The following ZFHX4 variants were observed in gnomAD, a reference collection of about 807,000 sequenced individuals.
ZFHX4 encodes zinc finger homeobox protein 4.
Under a neutral mutation model 267.6 loss-of-function variants are expected in ZFHX4, and 56 were observed. That is an observed-to-expected ratio of 0.21 (90% CI 0.17 to 0.26). The LOEUF (loss-of-function observed/expected upper bound fraction) is 0.26, where lower values mean the gene tolerates loss of function less well. Among genes scored for constraint, ZFHX4 ranks in the 10% least tolerant of loss-of-function variants. The probability of loss-of-function intolerance (pLI) is 1.00; values close to 1 mark genes in which losing one functional copy is unlikely to be tolerated. For synonymous variants in ZFHX4, 1,778 were observed against 1,665.6 expected (o/e 1.07, Z -1.64); for missense variants, 4,332 against 4,420.0 (o/e 0.98, Z 0.56).
intron 3 of ZFHX4, among the ~76,000 whole-genome samples, chr8:76,712,459 T>C (rs1808451882): frequency 6.6e-6 from 1 of 152,160 alleles, no homozygotes; most frequent in African/African-American, 2.4e-5. Flanking sequence ...ACAGGTATTT[T>C]CATTTCAATA....
chr8:76,681,435 C>T lies in ZFHX4; in HGVS notation c.-232C>T. 2.5e-6 allele frequency: 1 copy of T among 398,696 alleles called. No homozygotes were observed. Among genetic ancestry groups the T allele is most frequent in the Non-Finnish European group, 4.4e-6 (1 of 226,028 alleles). 24.7% of individuals were successfully genotyped at this position (398,696 alleles called of 1,614,324 possible). A position where few individuals can be genotyped will look rare whatever the true frequency, so the allele number is the denominator to read the frequency against. On this transcript the variant is annotated 5_prime_UTR_variant, in exon 1 of 11. Transcript: ENST00000651372. ...TCCTCCCGGACCCCCGAGGACCGCT[C>T]CATGCCCCCCACTTTCTGCTCCAGC...
At position 76,864,326 on chromosome 8, in the gene ZFHX4, G is replaced by A; in HGVS notation, c.10612G>A (p.Ala3538Thr). The A allele has an allele frequency of 1.2e-6, 2 of 1,613,768 alleles. No homozygotes were observed. Among genetic ancestry groups the A allele is most frequent in the Non-Finnish European group, 8.5e-7 (1 of 1,179,850 alleles). ...CCTTTTCCAAGCGTCTGCCAGGAGAGCTGCTTCTCCCCCTTCTTCTCCTCC... is the reference window on the plus strand; with the variant it reads ...CCTTTTCCAAGCGTCTGCCAGGAGAACTGCTTCTCCCCCTTCTTCTCCTCC... ...NILFQASARR[A>T]ASPPSSPPSL... Residue 3538 changes from alanine to threonine, a missense_variant, in exon 11 of 11, where the codon GCT (alanine) becomes ACT (threonine). By Grantham distance (58) the Ala-to-Thr change is moderately conservative. Around this residue, in one of 7 missense-constraint regions of ZFHX4, gnomAD observed 1,648 missense variants for 1,625.0 expected, o/e 1.01. Coordinates refer to ENST00000651372, the MANE Select transcript of ZFHX4 (RefSeq NM_024721.5).
At position 76,851,427 on chromosome 8, in the gene ZFHX4, A is replaced by G; in HGVS notation, c.4506A>G (p.Val1502=). The G allele has an allele frequency of 6.2e-7, 1 of 1,613,902 alleles. No individual in the cohort carries two copies. Among genetic ancestry groups the G allele is most frequent in the South Asian group, 1.1e-5 (1 of 91,074 alleles). ...EVDHEGKASP[V]GSDSSSIPDD... is the part of the protein sequence containing the mutation. ...ACCACGAAGGGAAAGCAAGTCCTGTAGGAAGTGATAGTAGCTCTATTCCAG... is the reference window on the plus strand; with the variant it reads ...ACCACGAAGGGAAAGCAAGTCCTGTGGGAAGTGATAGTAGCTCTATTCCAG... Residue 1502 remains valine, a synonymous_variant, in exon 10 of 11, where the codon GTA becomes GTG. Transcript: ENST00000651372.
At chr8:76,779,432 G>T (rs7817733) in intron 4 of ZFHX4, among the ~76,000 whole-genome samples, 1 of 151,798 alleles carries the variant, frequency 6.6e-6, no homozygotes, top group Non-Finnish European at 1.5e-5. Context: ...CGTCAAGGTC[G>T]CCTTTCTCAA....
At chr8:76,721,862 T>C (rs1031377073) in intron 3 of ZFHX4, among the ~76,000 whole-genome samples, 22 of 152,154 alleles carry the variant, frequency 1.4e-4, no homozygotes. Flanking sequence ...TGTGACCGTA[T>C]GTATGATTTT....
intron 3 of ZFHX4, among the ~76,000 whole-genome samples, chr8:76,771,564 G>A (rs985915962): frequency 1.3e-5 from 2 of 151,912 alleles, no homozygotes; most frequent in Non-Finnish European, 2.9e-5. Flanking sequence ...TCAGACTCCC[G>A]AGTAGTTGGG....
At chr8:76,701,762 A>G (rs536762093) in intron 1 of ZFHX4, among the ~76,000 whole-genome samples, 2 of 152,164 alleles carry the variant, frequency 1.3e-5, no homozygotes, top group African/African-American at 4.8e-5. Context: ...AAGCTGTAAA[A>G]TGTTGAGGAG....
Position 76,706,565 on chromosome 8 carries a change from C to T in ZFHX4, c.2477C>T (p.Ala826Val), listed in dbSNP as rs1285651969. The T allele has an allele frequency of 3.1e-6, 5 of 1,612,126 alleles. No homozygotes were observed. In the African/African-American group the frequency reaches 5.3e-5, roughly 17 times the overall value. ...AEAELYQYYL[A>V]QNIGLTGMKL... ...GCAGAGCTTTATCAGTACTACCTAG[C>T]CCAGAACATAGGCCTGACCGGAATG... Residue 826 changes from alanine (A) to valine (V), a missense_variant, in exon 2 of 11, where the codon GCC becomes GTC. This residue lies in a region of ZFHX4 where 1,195 missense variants were observed against 1,173.6 expected (regional missense o/e 1.02). Transcript: ENST00000651372.
chr8:76,690,197 T>C lies in ZFHX4; in HGVS notation c.-47+8577T>C, dbSNP rs372181430. ...GTTCTAGCTATAAAAAAGAAATCAC[T>C]CTGCAAATATTTACTCAGGTCTAAA... is the stretch of plus-strand genomic sequence containing the variant. On this transcript the variant is annotated intron_variant, in intron 1 of 10. Transcript: ENST00000651372. Among the ~76,000 whole-genome samples, 70 of 152,182 alleles carry C rather than the reference T, an allele frequency of 4.6e-4. No homozygotes were observed. The Middle Eastern group carries it at 0.027, about 59-fold the overall frequency.
At chr8:76,769,426 T>C (rs1267321897) in intron 3 of ZFHX4, among the ~76,000 whole-genome samples, 1 of 152,086 alleles carries the variant, frequency 6.6e-6, no homozygotes, top group African/African-American at 2.4e-5. Context: ...CACCATTCAC[T>C]ATGGCCTTGA....
chr8:76,785,261 T>C (rs1161129991), intron 4 of ZFHX4, among the ~76,000 whole-genome samples: 1 of 152,138 alleles, frequency 6.6e-6, no homozygotes, highest in East Asian at 1.9e-4. Context: ...TTGAAATCTG[T>C]ATATTAGTTA....
Position 76,833,367 on chromosome 8 carries a change from G to A in ZFHX4, c.3355G>A (p.Asp1119Asn). ...ETASLGARTC[D>N]DDLTEQQLRS... ...TGCCTCATTGGGAGCCAGGACTTGT[G>A]ATGATGATCTTACAGAGCAGCAGTT... The change falls in exon 5 of 11, where the codon GAT becomes AAT. Residue 1119 changes from aspartate to asparagine, a missense_variant. Asp to Asn is a conservative substitution (Grantham distance 23). This residue lies in a region of ZFHX4 where 1,371 missense variants were observed against 1,423.1 expected (regional missense o/e 0.96). Coordinates refer to ENST00000651372, the MANE Select transcript of ZFHX4 (RefSeq NM_024721.5). 1 of 1,610,886 alleles carries A rather than the reference G, an allele frequency of 6.2e-7. No homozygotes were observed. The highest frequency in any genetic ancestry group is 1.3e-5 in the African/African-American group (1 of 74,980).
intron 4 of ZFHX4, among the ~76,000 whole-genome samples, chr8:76,803,379 G>A (rs771748842): frequency 1.1e-4 from 17 of 151,962 alleles, no homozygotes; most frequent in Non-Finnish European, 2.1e-4. Flanking sequence ...AAATAGCCAC[G>A]AATTTAATAT....
At position 76,865,811 on chromosome 8, in the gene ZFHX4, T is replaced by G. The variant is rs972525327; in HGVS notation, c.*1246T>G. The G allele has an allele frequency of 2.6e-5, 4 of 152,588 alleles. No individual in the cohort carries two copies. The highest frequency in any genetic ancestry group is 9.7e-5 in the African/African-American group (4 of 41,448). The allele number at this position is 152,588 out of a possible 1,614,324, so 9.5% of individuals were successfully genotyped here. On this transcript the variant is annotated 3_prime_UTR_variant, in exon 11 of 11. Transcript: ENST00000651372. ...ATACACTGCCATTTAGTGGATAGGT[T>G]ATTGTACTTCCATTCATACTCTGGG...
intron 3 of ZFHX4, among the ~76,000 whole-genome samples, chr8:76,732,429 T>C (rs1415249931): frequency 1.3e-5 from 2 of 151,992 alleles, no homozygotes; most frequent in Admixed American, 6.6e-5. Flanking sequence ...CAGTATTCTA[T>C]AAATTTAAAA....
intron 3 of ZFHX4, among the ~76,000 whole-genome samples, chr8:76,713,227 CAGAAA>C (rs533157618): frequency 1.1e-4 from 16 of 151,762 alleles, no homozygotes; most frequent in African/African-American, 2.9e-4. Context: ...TGTACCATAC[CAGAAA>C]AGAAAAGTGA....
chr8:76,769,981 T>C (rs1810218772), intron 3 of ZFHX4, among the ~76,000 whole-genome samples: 1 of 152,156 alleles, frequency 6.6e-6, no homozygotes, highest in Non-Finnish European at 1.5e-5. Flanking sequence ...CTCCTGCTAC[T>C]GTCTCAGCTC....
At position 76,704,057 on chromosome 8, in the gene ZFHX4, G is replaced by T; in HGVS notation, c.-32G>T. On this transcript the variant is annotated 5_prime_UTR_variant, in exon 2 of 11. Coordinates refer to ENST00000651372, the MANE Select transcript of ZFHX4 (RefSeq NM_024721.5). ...TTTTTATCCAGGTCCCTGACAGGCT[G>T]GATGAAATGAGATCCCCATGTAGCA... 1 of 1,560,972 alleles carries T rather than the reference G, an allele frequency of 6.4e-7. No homozygotes were observed. Among genetic ancestry groups the T allele is most frequent in the Non-Finnish European group, 8.6e-7 (1 of 1,156,156 alleles).
intron 5 of ZFHX4, among the ~76,000 whole-genome samples, chr8:76,833,904 G>C (rs1812004037): frequency 6.6e-6 from 1 of 151,964 alleles, no homozygotes; most frequent in African/African-American, 2.4e-5. Flanking sequence ...CCACCTCCTT[G>C]ACCCCTGTAA....
Sources: gnomAD v4.1 joint callset for allele counts (sites outside exome capture counted in the v4.1 genomes callset) on GRCh38, gnomAD v4.1.1 for gene constraint, gnomAD v4.1.1 regional missense constraint, MANE v1.5 for transcripts, NCBI Gene and HGNC (gene_info 2026-07-23, HGNC 2026-07-21) for gene names.